Variants in PCMT1 observed in about 807,000 individuals in gnomAD.
PCMT1 encodes protein-L-isoaspartate (D-aspartate) O-methyltransferase.
In PCMT1, 9 loss-of-function variants were observed where a neutral mutation model predicts 29.2. The observed-to-expected ratio is 0.31, with a 90% confidence interval of 0.19 to 0.54. The LOEUF is 0.54. PCMT1 is among the 20% of genes least tolerant of loss of function. The probability of loss-of-function intolerance (pLI) is 0.95; values close to 1 mark genes in which losing one functional copy is unlikely to be tolerated. For missense variants in PCMT1, 184 were observed against 282.2 expected (o/e 0.65, Z 2.49); for synonymous variants, 98 against 97.5 (o/e 1.00, Z -0.03).
At chr6:149,765,649 AT>A (rs747692806) in intron 1 of PCMT1, 6 of 373,770 alleles carry the variant, frequency 1.6e-5, no homozygotes, top group Non-Finnish European at 2.6e-5. Flanking sequence ...AATTGACCTT[AT>A]TTTTTTATTT....
chr6:149,780,409 G>A (rs1309910134), intron 3 of PCMT1, among the ~76,000 whole-genome samples: 1 of 151,794 alleles, frequency 6.6e-6, no homozygotes, highest in Admixed American at 6.6e-5. Context: ...GAATTCTGCA[G>A]TTTTTAGTTT....
intron 1 of PCMT1, among the ~76,000 whole-genome samples, chr6:149,750,771 A>G (rs950423665): frequency 6.6e-6 from 1 of 152,116 alleles, no homozygotes; most frequent in African/African-American, 2.4e-5. Flanking sequence ...TGATAATTTT[A>G]GGATAGGATG....
intron 5 of PCMT1, chr6:149,795,583 A>C: frequency 1.9e-6 from 1 of 526,464 alleles, no homozygotes; most frequent in Non-Finnish European, 3.5e-6. Flanking sequence ...CCCAATGAGA[A>C]AGGAGAGTAT....
chr6:149,763,039 C>CTATGATATA (rs1786893900), intron 1 of PCMT1, among the ~76,000 whole-genome samples: 3 of 44,330 alleles, frequency 6.8e-5, no homozygotes, highest in Admixed American at 7.8e-4. Flanking sequence ...TCTATGATAT[C>CTATGATATA]TATGATATGT....
chr6:149,772,811 A>G, intron 2 of PCMT1: 1 of 339,330 alleles, frequency 2.9e-6, no homozygotes, highest in East Asian at 7.6e-5. Flanking sequence ...AGGTCAGGAG[A>G]TCGAGACCAT....
chr6:149,772,153 A>G (rs1787354248), intron 2 of PCMT1: 3 of 455,384 alleles, frequency 6.6e-6, no homozygotes, highest in Admixed American at 2.4e-5. Flanking sequence ...ACGCACTATA[A>G]CAGTCAGCAG....
chr6:149,764,387 A>G (rs1786985417), intron 1 of PCMT1, among the ~76,000 whole-genome samples: 1 of 152,134 alleles, frequency 6.6e-6, no homozygotes, highest in African/African-American at 2.4e-5. Flanking sequence ...TTAGTACTGT[A>G]TCTTTCACAT....
At chr6:149,750,126 G>A in intron 1 of PCMT1, 170 bp downstream of exon 1, 1 of 911,220 alleles carries the variant, frequency 1.1e-6, no homozygotes, top group Non-Finnish European at 1.6e-6. Flanking sequence ...CGCCTCCCTC[G>A]GGACCTGTCA....
intron 1 of PCMT1, chr6:149,750,276 G>C: frequency 2.8e-6 from 1 of 358,214 alleles, no homozygotes; most frequent in Admixed American, 4.5e-5. Flanking sequence ...GTCCGCGTCC[G>C]GGTCCGGCTT....
rs1387026080 is a variant in PCMT1, at chr6:149,763,108, C to A, written c.56-8054C>A. 9.4e-5 allele frequency among the ~76,000 whole-genome samples: 6 copies of A among 63,580 alleles called. 3 individuals carry two copies. The highest frequency in any genetic ancestry group is 3.0e-4 in the African/African-American group (2 of 6,614). 41.7% of individuals were successfully genotyped at this position (63,580 alleles called of 152,430 possible). ...TCTATGATATATATGATATATATAT[C>A]TATGATATGTATATCTATGATATAT... On this transcript the variant is annotated intron_variant, in intron 1 of 7. Coordinates refer to ENST00000464889, the MANE Select transcript of PCMT1 (RefSeq NM_001360452.2).
rs1460852365 is a variant in PCMT1, at chr6:149,762,847, G to GATATATATATGAT, written c.56-8307_56-8306insATGATATATATAT. 1.9e-4 allele frequency among the ~76,000 whole-genome samples: 7 copies of GATATATATATGAT among 37,802 alleles called. 3 individuals carry two copies. 24.8% of individuals were successfully genotyped at this position (37,802 alleles called of 152,430 possible). A position where few individuals can be genotyped will look rare whatever the true frequency, so the allele number is the denominator to read the frequency against. On this transcript the variant is annotated intron_variant, in intron 1 of 7. Coordinates refer to ENST00000464889, the MANE Select transcript of PCMT1 (RefSeq NM_001360452.2). ...TGATATATATGATATATATATCTAT[G>GATATATATATGAT]ATATATATCTATGATATATATATCT... is the stretch of plus-strand genomic sequence containing the variant.
rs778709538 is a variant in PCMT1 at position 149,802,401 on chromosome 6, C to G, written c.*22C>G. Reference sequence around the variant, plus strand: ...GTGATTTTATCTTCTGCTCTTTCTTCTTCCACACATGCAAGGTGAAAGGGT... The same window carrying G: ...GTGATTTTATCTTCTGCTCTTTCTTGTTCCACACATGCAAGGTGAAAGGGT... On this transcript the variant is annotated 3_prime_UTR_variant, in exon 7 of 8. Transcript: ENST00000464889. 1 of 1,592,386 alleles carries G rather than the reference C, an allele frequency of 6.3e-7. No individual in the cohort carries two copies. Among genetic ancestry groups the G allele is most frequent in the Non-Finnish European group, 8.6e-7 (1 of 1,167,020 alleles).
rs12179815 is a variant in PCMT1, at chr6:149,779,254, T to C, written c.192+6085T>C. On this transcript the variant is annotated intron_variant, in intron 3 of 7. Transcript: ENST00000464889. ...TGTATTCCCAAGGATGTAAAACATA[T>C]GGTGTAACAAATGTAAAAGAGTAAT... Among the ~76,000 whole-genome samples the C allele has an allele frequency of 5.4e-3, 801 of 148,958 alleles. 7 individuals carry two copies. The highest frequency in any genetic ancestry group is 0.019 in the African/African-American group (774 of 41,048).
At chr6:149,785,709 A>T (rs1788008969) in intron 3 of PCMT1, among the ~76,000 whole-genome samples, 2 of 151,848 alleles carry the variant, frequency 1.3e-5, no homozygotes. Context: ...TGTTTCAGAG[A>T]GCACAGGGTT....
chr6:149,787,271 A>AGAGAGGGAGACAGTGGG (rs1421307652), intron 3 of PCMT1, among the ~76,000 whole-genome samples: 1 of 71,454 alleles, frequency 1.4e-5, no homozygotes, highest in Admixed American at 2.6e-4. Context: ...GACCGTGGAA[A>AGAGAGGGAGACAGTGGG]GAGAGGGAGA....
Position 149,789,977 on chromosome 6 carries a change from A to AT in PCMT1, c.219dup (p.Asp74Ter). The AT allele has an allele frequency of 6.2e-7, 1 of 1,608,548 alleles. No homozygotes were observed. The highest frequency in any genetic ancestry group is 8.5e-7 in the Non-Finnish European group (1 of 1,178,388). On this transcript the variant is annotated frameshift_variant, in exon 4 of 8. Transcript: ENST00000464889. LOFTEE classifies it high-confidence loss of function. ...AGCATGCATATGCGCTAGAACTTCTATTTGATCAGTTGCATGAAGGAGCTA... is the reference window on the plus strand; with the variant it reads ...AGCATGCATATGCGCTAGAACTTCTATTTTGATCAGTTGCATGAAGGAGCTA...
At position 149,750,857 on chromosome 6, in the gene PCMT1, C is replaced by T. The variant is rs567407175; in HGVS notation, c.55+901C>T. ...GTTGGGAGACTACAAGGGCCGCAGT[C>T]TATAATAAACTCACTGGTCAGAATT... On this transcript the variant is annotated intron_variant, in intron 1 of 7. Transcript: ENST00000464889. Among the ~76,000 whole-genome samples the T allele has an allele frequency of 1.1e-4, 16 of 152,210 alleles. No individual in the cohort carries two copies. The East Asian group carries it at 3.1e-3, about 29-fold the overall frequency.
chr6:149,804,712 G>C (rs771477559), intron 7 of PCMT1, among the ~76,000 whole-genome samples: 1 of 152,012 alleles, frequency 6.6e-6, no homozygotes, highest in Non-Finnish European at 1.5e-5. Context: ...ATGTTGGCCA[G>C]GCTGGTCTCG....
intron 3 of PCMT1, among the ~76,000 whole-genome samples, chr6:149,780,554 A>G (rs1787773246): frequency 6.6e-6 from 1 of 152,136 alleles, no homozygotes; most frequent in Non-Finnish European, 1.5e-5. Flanking sequence ...CTAATCTATT[A>G]TTTGTTTCTA....
Sources: allele counts gnomAD v4.1 joint callset (sites outside exome capture counted in the v4.1 genomes callset), GRCh38; gene constraint gnomAD v4.1.1; transcripts MANE v1.5; gene names NCBI Gene and HGNC (gene_info 2026-07-23, HGNC 2026-07-21).